The following PCID2 variants were observed in gnomAD, a reference collection of about 807,000 sequenced individuals.
PCID2 encodes PCI domain-containing protein 2.
Under a neutral mutation model 61.3 loss-of-function variants are expected in PCID2, and 41 were observed. The ratio of observed to expected loss-of-function variants is 0.67; its 90% CI spans 0.52 to 0.87. The LOEUF (loss-of-function observed/expected upper bound fraction) is 0.87, where lower values mean the gene tolerates loss of function less well. Ranked by LOEUF, PCID2 falls within the 40% of genes least tolerant of loss-of-function variation. The pLI is 0.00. For missense variants in PCID2, 392 were observed against 493.4 expected, an observed-to-expected ratio of 0.79 and a Z score of 1.95; for synonymous variants, 187 against 177.8, an observed-to-expected ratio of 1.05 and a Z score of -0.41.
intron 7 of PCID2, among the ~76,000 whole-genome samples, chr13:113,189,502 T>C (rs186452329): frequency 6.6e-6 from 1 of 152,200 alleles, no homozygotes; most frequent in South Asian, 2.1e-4. Flanking sequence ...TATTTATATA[T>C]GGATACCTTT....
intron 1 of PCID2, among the ~76,000 whole-genome samples, chr13:113,207,190 T>C (rs2039936632): frequency 6.6e-6 from 1 of 152,256 alleles, no homozygotes. Context: ...TGTTCTCAAA[T>C]CTATTTTTGC....
downstream of PCID2, among the ~76,000 whole-genome samples, chr13:113,176,468 T>G (rs1298181721): frequency 2.0e-5 from 3 of 152,416 alleles, 1 homozygote; most frequent in Non-Finnish European, 4.4e-5. Context: ...TGTGGCCTTA[T>G]AAGAGGAAGA....
chr13:113,174,541 G>A (rs2138620856), downstream of PCID2, among the ~76,000 whole-genome samples: 1 of 152,270 alleles, frequency 6.6e-6, no homozygotes, highest in East Asian at 1.9e-4. Context: ...GCCACCCAAG[G>A]CTGGAGTGCA....
intron 1 of PCID2, among the ~76,000 whole-genome samples, chr13:113,204,768 C>T (rs2039681022): frequency 1.3e-5 from 2 of 152,200 alleles, no homozygotes; most frequent in Admixed American, 1.3e-4. Flanking sequence ...GGGATGGCAA[C>T]GGACGGTACT....
the PCID2 span, among the ~76,000 whole-genome samples, chr13:113,170,252 C>G: frequency 7.8e-6 from 1 of 127,470 alleles, no homozygotes; most frequent in South Asian, 2.3e-4. Context: ...CAATCCTGTA[C>G]CATTTGAGTG....
Position 113,184,504 on chromosome 13 carries a change from TC to T in PCID2, c.544-18del. The stretch of plus-strand genomic sequence containing the variant: ...TTTGTTGATCTATAATGAATAACAA[TC>T]CATTTAAAATATTTAAAAACAACAA... On this transcript the variant is annotated intron_variant, in intron 8 of 13. Transcript: ENST00000337344. 1 of 1,486,810 alleles carries T rather than the reference TC, an allele frequency of 6.7e-7. No homozygotes were observed. Among genetic ancestry groups the T allele is most frequent in the Non-Finnish European group, 9.4e-7 (1 of 1,068,426 alleles). The allele number at this position is 1,486,810 out of a possible 1,614,324, so 92.1% of individuals were successfully genotyped here. A position where few individuals can be genotyped will look rare whatever the true frequency, so the allele number is the denominator to read the frequency against.
At chr13:113,198,309 C>A in intron 2 of PCID2, 45 bp from the exon 3 acceptor site, 1 of 1,154,506 alleles carries the variant, frequency 8.7e-7, no homozygotes, top group South Asian at 1.3e-5. Flanking sequence ...TTAATAGGCA[C>A]AGAAAGAATG....
chr13:113,186,389 C>T (rs2038113540), intron 7 of PCID2: 1 of 152,284 alleles, frequency 6.6e-6, no homozygotes, highest in Non-Finnish European at 1.5e-5. Flanking sequence ...GTGCCACTGT[C>T]TGCAATTAAC....
chr13:113,203,355 T>C (rs2039571246), intron 1 of PCID2, among the ~76,000 whole-genome samples: 1 of 152,152 alleles, frequency 6.6e-6, no homozygotes, highest in Non-Finnish European at 1.5e-5. Context: ...ATTTTCAAAG[T>C]CACAAATGGG....
chr13:113,177,463 G>A (rs1008827016), downstream of PCID2: 9 of 152,276 alleles, frequency 5.9e-5, no homozygotes, highest in East Asian at 3.9e-4. Flanking sequence ...AAATAAAATC[G>A]GCTTTGTGTT....
chr13:113,202,057 G>A (rs1381123039), intron 1 of PCID2, among the ~76,000 whole-genome samples: 1 of 152,184 alleles, frequency 6.6e-6, no homozygotes, highest in African/African-American at 2.4e-5. Context: ...ACCAAGTGTT[G>A]CCAGGAGCCT....
chr13:113,190,990 G>T lies in PCID2; in HGVS notation c.364-15C>A. 1 of 1,574,766 alleles carries T rather than the reference G, an allele frequency of 6.4e-7. No homozygotes were observed. Among genetic ancestry groups the T allele is most frequent in the Non-Finnish European group, 8.7e-7 (1 of 1,145,742 alleles). ...TGTTGATCTGCCTAATAAAATATAAGAACTTTTATTTCATTTTTCCGAAGC... is the reference window on the plus strand; with the variant it reads ...TGTTGATCTGCCTAATAAAATATAATAACTTTTATTTCATTTTTCCGAAGC... On this transcript the variant is annotated splice_polypyrimidine_tract_variant and intron_variant, in intron 6 of 13. Transcript: ENST00000337344.
rs771654078 is a variant in PCID2 at position 113,179,037 on chromosome 13, A to G, written c.1039T>C (p.Leu347=). The stretch of plus-strand genomic sequence containing the variant: ...ACGTCCTCCACCTGCATGAACTTCA[A>G]GGCAACCAGAAAAGCATCCAGAGAC... ...QLSLDAFLVA[L]KFMQVEDVDI... is the part of the protein sequence containing the mutation. Residue 347 remains leucine, a synonymous_variant, in exon 13 of 14, where the codon TTG becomes CTG. Coordinates refer to ENST00000337344, the MANE Select transcript of PCID2 (RefSeq NM_001127202.4). The surrounding 1 kb of genome is among the most constrained non-coding windows in gnomAD (Gnocchi z 4.3). 9.3e-6 allele frequency: 15 copies of G among 1,613,876 alleles called. No individual in the cohort carries two copies. In the South Asian group the frequency reaches 1.2e-4, roughly 13 times the overall value.
At chr13:113,207,932 T>C in intron 1 of PCID2, 1 of 1,082,758 alleles carries the variant, frequency 9.2e-7, no homozygotes, top group East Asian at 2.4e-5. Flanking sequence ...GTTACCACAG[T>C]GCTGGTTCTG....
At chr13:113,172,467 G>A in the PCID2 span, 1 of 348,336 alleles carries the variant, frequency 2.9e-6, no homozygotes, top group Non-Finnish European at 5.6e-6. Context: ...CCTGCACACT[G>A]GTGAGTGTGT....
chr13:113,178,682 T>C (rs964291867), intron 13 of PCID2, among the ~76,000 whole-genome samples: 6 of 152,174 alleles, frequency 3.9e-5, no homozygotes, highest in Non-Finnish European at 8.8e-5. Flanking sequence ...CTACGTCCTA[T>C]CAGTGACTGA....
intron 3 of PCID2, among the ~76,000 whole-genome samples, chr13:113,197,453 C>A (rs916342731): frequency 3.3e-5 from 5 of 152,178 alleles, no homozygotes; most frequent in African/African-American, 1.2e-4. Flanking sequence ...CCCAGAAGGA[C>A]CTAGCACCAG....
chr13:113,179,387 T>C lies in PCID2; in HGVS notation c.987-298A>G, dbSNP rs1241397557. Among the ~76,000 whole-genome samples the C allele has an allele frequency of 2.6e-5, 4 of 152,188 alleles. No individual in the cohort carries two copies. Among genetic ancestry groups the C allele is most frequent in the Non-Finnish European group, 2.9e-5 (2 of 68,032 alleles). ...AGGAAGCACCTGACAATGGGCTGTG[T>C]CTCACAGACTCAGCGAAATAGGGTC... On this transcript the variant is annotated intron_variant, in intron 12 of 13. Coordinates refer to ENST00000337344, the MANE Select transcript of PCID2 (RefSeq NM_001127202.4). The surrounding 1 kb of genome is among the most constrained non-coding windows in gnomAD (Gnocchi z 4.3).
At chr13:113,196,937 A>T in intron 4 of PCID2, 1 of 1,011,226 alleles carries the variant, frequency 9.9e-7, no homozygotes, top group Non-Finnish European at 1.6e-6. Flanking sequence ...TCTTCTCAGC[A>T]GAGTAAGATC....
Sources: allele counts gnomAD v4.1 joint callset (sites outside exome capture counted in the v4.1 genomes callset), GRCh38; gene constraint gnomAD v4.1.1; non-coding constraint Gnocchi (gnomAD v3.1); transcripts MANE v1.5; gene names NCBI Gene and HGNC (gene_info 2026-07-23, HGNC 2026-07-21).